The following TMEM117 variants were observed in gnomAD, a reference collection of about 807,000 sequenced individuals.
TMEM117 encodes transmembrane protein 117.
Under a neutral mutation model 52.4 loss-of-function variants are expected in TMEM117, and 27 were observed. The observed-to-expected ratio is 0.51, with a 90% CI of 0.38 to 0.71. The LOEUF is 0.71. TMEM117 is among the 30% of genes least tolerant of loss of function. TMEM117 has a pLI of 0.00. For missense variants in TMEM117, 556 were observed against 630.5 expected (o/e 0.88, Z 1.26); for synonymous variants, 215 against 206.3 (o/e 1.04, Z -0.36).
intron 3 of TMEM117, among the ~76,000 whole-genome samples, chr12:43,985,917 A>G (rs1342330376): frequency 6.6e-6 from 1 of 152,232 alleles, no homozygotes; most frequent in Admixed American, 6.5e-5. Flanking sequence ...TGGTTCAACA[A>G]TGCTGAGTTA....
intron 6 of TMEM117, among the ~76,000 whole-genome samples, chr12:44,327,194 T>C (rs1209944756): frequency 6.6e-6 from 1 of 152,320 alleles, no homozygotes; most frequent in East Asian, 1.9e-4. Flanking sequence ...TAGGAAAGAT[T>C]AGTGAATATT....
intron 3 of TMEM117, among the ~76,000 whole-genome samples, chr12:43,966,988 G>C (rs915158936): frequency 1.3e-5 from 2 of 152,214 alleles, no homozygotes; most frequent in African/African-American, 2.4e-5. Context: ...GTAGTGGGCA[G>C]CCTCTGAGAT....
intron 6 of TMEM117, among the ~76,000 whole-genome samples, chr12:44,342,190 A>C (rs1436886555): frequency 6.6e-6 from 1 of 152,164 alleles, no homozygotes; most frequent in African/African-American, 2.4e-5. Context: ...GTCGTTTGTC[A>C]TGTCTAAAGG....
chr12:44,149,083 G>A (rs1377538607), intron 4 of TMEM117, among the ~76,000 whole-genome samples: 1 of 152,212 alleles, frequency 6.6e-6, no homozygotes, highest in Non-Finnish European at 1.5e-5. Flanking sequence ...AATTGCCAGT[G>A]TAAGTCTCCC....
intron 2 of TMEM117, among the ~76,000 whole-genome samples, chr12:43,866,480 C>T (rs1324111189): frequency 1.3e-5 from 2 of 151,096 alleles, no homozygotes; most frequent in Non-Finnish European, 2.9e-5. Context: ...GAGACTGAGG[C>T]AGGAAGATTA....
chr12:43,936,848 T>C (rs1287628902), intron 2 of TMEM117, among the ~76,000 whole-genome samples: 1 of 151,962 alleles, frequency 6.6e-6, no homozygotes, highest in Non-Finnish European at 1.5e-5. Context: ...TCTCGGTAAG[T>C]GGGTGTGATA....
the TMEM117 span, among the ~76,000 whole-genome samples, chr12:43,821,808 T>C: frequency 6.6e-6 from 1 of 152,234 alleles, no homozygotes; most frequent in Non-Finnish European, 1.5e-5. Context: ...TACCAAATAT[T>C]AAATCATTGT....
intron 3 of TMEM117, among the ~76,000 whole-genome samples, chr12:44,026,635 C>A (rs904114090): frequency 6.6e-6 from 1 of 152,088 alleles, no homozygotes. Flanking sequence ...GAGAGTAGGA[C>A]TGGAACACTT....
downstream of TMEM117, among the ~76,000 whole-genome samples, chr12:44,391,849 G>A (rs144068922): frequency 6.6e-6 from 1 of 152,202 alleles, no homozygotes; most frequent in African/African-American, 2.4e-5. Flanking sequence ...GCTACAAGTA[G>A]GGTATTATGC....
intron 3 of TMEM117, among the ~76,000 whole-genome samples, chr12:44,086,856 G>A (rs1947576563): frequency 6.6e-6 from 1 of 151,382 alleles, no homozygotes; most frequent in Admixed American, 6.6e-5. Context: ...ACTTCCCTTG[G>A]TCTTGTTTCC....
At chr12:44,045,147 T>G (rs1394250519) in intron 3 of TMEM117, among the ~76,000 whole-genome samples, 1 of 152,186 alleles carries the variant, frequency 6.6e-6, no homozygotes, top group Admixed American at 6.5e-5. Context: ...CCCCTGTCAT[T>G]GCCCAATGGG....
At chr12:44,220,736 G>A (rs73102925) in intron 5 of TMEM117, among the ~76,000 whole-genome samples, 16,114 of 152,012 alleles carry the variant, frequency 0.11, 945 homozygotes, top group Middle Eastern at 0.2. Flanking sequence ...GTAAGGAAGT[G>A]TTCAAAAAAC....
chr12:44,242,636 A>G (rs956683038), intron 5 of TMEM117, among the ~76,000 whole-genome samples: 2 of 148,616 alleles, frequency 1.3e-5, no homozygotes, highest in Non-Finnish European at 3.0e-5. Context: ...AATGAATTAT[A>G]TTCTATCTAT....
rs141168342 is a variant in TMEM117, at chr12:44,045,541, C to T, written c.411-97984C>T. Among the ~76,000 whole-genome samples the T allele has an allele frequency of 2.6e-3, 402 of 152,268 alleles. 1 individual carries two copies. The highest frequency in any genetic ancestry group is 4.7e-3 in the Non-Finnish European group (322 of 68,020). On this transcript the variant is annotated intron_variant, in intron 3 of 7. Coordinates refer to ENST00000266534, the MANE Select transcript of TMEM117 (RefSeq NM_032256.3). ...GCCTCTGACCAAGGTACTCACTTTA[C>T]GGCTAAAGAAGTGCAGCAGTGGCCG... is the stretch of plus-strand genomic sequence containing the variant.
chr12:43,909,695 A>G (rs1944460443), intron 2 of TMEM117, among the ~76,000 whole-genome samples: 1 of 152,080 alleles, frequency 6.6e-6, no homozygotes, highest in African/African-American at 2.4e-5. Context: ...GCAAACTACC[A>G]TCGGAGAATA....
chr12:44,271,603 A>C (rs1950446600), intron 5 of TMEM117, among the ~76,000 whole-genome samples: 1 of 152,116 alleles, frequency 6.6e-6, no homozygotes, highest in South Asian at 2.1e-4. Context: ...AAATCCACTT[A>C]AAATTGTTTA....
At chr12:44,096,709 T>C (rs1435838670) in intron 3 of TMEM117, among the ~76,000 whole-genome samples, 2 of 152,022 alleles carry the variant, frequency 1.3e-5, no homozygotes, top group South Asian at 2.1e-4. Flanking sequence ...ATACAAAAAT[T>C]AATTCAAGAT....
intron 4 of TMEM117, among the ~76,000 whole-genome samples, chr12:44,147,586 G>A (rs75308320): frequency 0.018 from 2,790 of 152,138 alleles, 66 homozygotes; most frequent in East Asian, 0.057. Flanking sequence ...CTCCAGGTTT[G>A]AGGTTCTTGT....
intron 3 of TMEM117, among the ~76,000 whole-genome samples, chr12:44,030,919 A>C (rs578194693): frequency 2.6e-5 from 4 of 152,344 alleles, no homozygotes; most frequent in African/African-American, 9.6e-5. Context: ...ATTTTGCAAT[A>C]AAAGCACAAC....
Sources: gnomAD v4.1 joint callset for allele counts (sites outside exome capture counted in the v4.1 genomes callset) on GRCh38, gnomAD v4.1.1 for gene constraint, MANE v1.5 for transcripts, NCBI Gene and HGNC (gene_info 2026-07-23, HGNC 2026-07-21) for gene names.